Variants in L3MBTL4 observed in about 807,000 individuals in gnomAD.
The protein encoded by L3MBTL4 is L3MBTL histone methyl-lysine binding protein 4, also known as lethal(3)malignant brain tumor-like protein 4.
L3MBTL4 carries 70 observed loss-of-function variants against 84.5 expected under a neutral mutation model. The observed-to-expected ratio is 0.83, with a 90% CI of 0.68 to 1.01. The LOEUF is 1.01. Ranked by LOEUF, L3MBTL4 falls within the 50% of genes least tolerant of loss-of-function variation. The probability of loss-of-function intolerance (pLI) is 0.00; values close to 1 mark genes in which losing one functional copy is unlikely to be tolerated. For missense variants in L3MBTL4, 715 were observed against 754.8 expected (o/e 0.95, Z 0.62); for synonymous variants, 274 against 259.8 (o/e 1.05, Z -0.52).
At chr18:6,065,970 G>C (rs1164367970) in intron 16 of L3MBTL4, among the ~76,000 whole-genome samples, 1 of 151,958 alleles carries the variant, frequency 6.6e-6, no homozygotes, top group Non-Finnish European at 1.5e-5. Flanking sequence ...TGCTGTTTCA[G>C]ACTTTTTGAT....
intron 16 of L3MBTL4, among the ~76,000 whole-genome samples, chr18:6,055,164 T>C (rs2056977461): frequency 6.6e-6 from 1 of 152,226 alleles, no homozygotes; most frequent in African/African-American, 2.4e-5. Context: ...ACCATTTTAG[T>C]CATCCCAACT....
rs138590724 is a variant in L3MBTL4 at position 5,962,999 on chromosome 18, G to A, written c.1615-2843C>T. ...CCCAGATATTGCCAAATGCCCCTGGGGGGCAACATTGCCCCAGTTCTTCTG... is the reference window on the plus strand; with the variant it reads ...CCCAGATATTGCCAAATGCCCCTGGAGGGCAACATTGCCCCAGTTCTTCTG... On this transcript the variant is annotated intron_variant, in intron 17 of 18. Transcript: ENST00000317931. 7.8e-3 allele frequency among the ~76,000 whole-genome samples: 1,183 copies of A among 152,296 alleles called. 8 individuals are homozygous for A. The highest frequency in any genetic ancestry group is 0.013 in the Admixed American group (203 of 15,300).
At chr18:6,244,224 T>C (rs968260983) in intron 6 of L3MBTL4, among the ~76,000 whole-genome samples, 6 of 152,174 alleles carry the variant, frequency 3.9e-5, no homozygotes, top group Non-Finnish European at 5.9e-5. Flanking sequence ...GATTCACAGA[T>C]TGTTAGCAAC....
chr18:5,964,640 C>T (rs909726646), intron 17 of L3MBTL4, among the ~76,000 whole-genome samples: 1 of 152,024 alleles, frequency 6.6e-6, no homozygotes, highest in African/African-American at 2.4e-5. Flanking sequence ...AGTTAATGAA[C>T]ATTTAGGGAG....
chr18:6,146,534 G>A (rs1363509958), intron 13 of L3MBTL4, among the ~76,000 whole-genome samples: 1 of 152,254 alleles, frequency 6.6e-6, no homozygotes, highest in Non-Finnish European at 1.5e-5. Context: ...AAAGTGCCAG[G>A]CTGCCAGGCC....
chr18:6,096,120 A>G (rs2058636547), intron 14 of L3MBTL4, among the ~76,000 whole-genome samples: 1 of 151,826 alleles, frequency 6.6e-6, no homozygotes. Context: ...TTCATGCTAC[A>G]TGGCACTAAT....
chr18:6,203,494 C>A (rs965672259), intron 12 of L3MBTL4, among the ~76,000 whole-genome samples: 2 of 152,162 alleles, frequency 1.3e-5, no homozygotes, highest in Non-Finnish European at 2.9e-5. Context: ...AACCTTATAA[C>A]AGTATTGAGT....
chr18:6,149,798 A>C (rs2088804499), intron 13 of L3MBTL4, among the ~76,000 whole-genome samples: 2 of 152,168 alleles, frequency 1.3e-5, no homozygotes, highest in South Asian at 4.1e-4. Context: ...GGTTTATGTA[A>C]TTGAATTATT....
At chr18:6,361,904 C>T (rs78260057) in intron 1 of L3MBTL4, among the ~76,000 whole-genome samples, 3,064 of 152,018 alleles carry the variant, frequency 0.02, 95 homozygotes, top group African/African-American at 0.069. Context: ...CCGCTTGACT[C>T]CAAGAGTTTG....
At chr18:6,209,445 C>CAAAAAAAAAAAAAAAAAAAAAAAAA (rs60613997) in intron 12 of L3MBTL4, among the ~76,000 whole-genome samples, 1 of 113,994 alleles carries the variant, frequency 8.8e-6, no homozygotes, top group African/African-American at 3.1e-5. Flanking sequence ...ACTAAACTGG[C>CAAAAAAAAAAAAAAAAAAAAAAAAA]AAAAAAAAAA....
intron 1 of L3MBTL4, among the ~76,000 whole-genome samples, chr18:6,377,477 C>T (rs1307839188): frequency 6.6e-6 from 1 of 152,142 alleles, no homozygotes; most frequent in Non-Finnish European, 1.5e-5. Flanking sequence ...CCCCTAGCCT[C>T]CCAACCCTCA....
chr18:6,122,376 A>C (rs966279718), intron 14 of L3MBTL4, among the ~76,000 whole-genome samples: 1 of 152,180 alleles, frequency 6.6e-6, no homozygotes, highest in Non-Finnish European at 1.5e-5. Context: ...CCCAAATCTC[A>C]TCTTGAATTC....
intron 16 of L3MBTL4, among the ~76,000 whole-genome samples, chr18:5,995,861 A>T (rs1319038430): frequency 2.0e-5 from 3 of 152,180 alleles, no homozygotes; most frequent in African/African-American, 7.2e-5. Flanking sequence ...AGCTGGGTCC[A>T]TTGATCCCCG....
intron 16 of L3MBTL4, chr18:6,030,093 A>T: frequency 1.0e-6 from 1 of 977,622 alleles, no homozygotes; most frequent in Non-Finnish European, 1.2e-6. Context: ...ACACGAGGAA[A>T]CTGTTTAACA....
rs936030281 is a variant in L3MBTL4, at chr18:6,187,441, A to G, written c.982-15499T>C. On this transcript the variant is annotated intron_variant, in intron 12 of 18. Coordinates refer to ENST00000317931, the MANE Select transcript of L3MBTL4 (RefSeq NM_001330559.2). ...ATAAAATCTATGTTTCTATTTACATACTGATTATATTCACCTCCTATGAAG... is the reference window on the plus strand; with the variant it reads ...ATAAAATCTATGTTTCTATTTACATGCTGATTATATTCACCTCCTATGAAG... 5.3e-5 allele frequency among the ~76,000 whole-genome samples: 8 copies of G among 152,192 alleles called. No individual in the cohort carries two copies. In the South Asian group the frequency reaches 8.3e-4, roughly 16 times the overall value.
At chr18:6,091,541 G>A (rs1281425858) in intron 15 of L3MBTL4, among the ~76,000 whole-genome samples, 2 of 152,108 alleles carry the variant, frequency 1.3e-5, no homozygotes, top group East Asian at 1.9e-4. Context: ...TAACATTCTC[G>A]ACTCCTTCTA....
intron 10 of L3MBTL4, among the ~76,000 whole-genome samples, chr18:6,216,838 T>C (rs117933261): frequency 0.016 from 2,375 of 152,306 alleles, 21 homozygotes; most frequent in Non-Finnish European, 0.025. Flanking sequence ...GTAACACTAA[T>C]ATCTAGTTTA....
intron 4 of L3MBTL4, among the ~76,000 whole-genome samples, chr18:6,300,683 G>A (rs182461841): frequency 8.1e-4 from 123 of 152,088 alleles, no homozygotes; most frequent in Admixed American, 1.2e-3. Flanking sequence ...TAAATGTTTC[G>A]ACCACAGAAT....
At chr18:6,217,312 C>G (rs1237279936) in intron 10 of L3MBTL4, among the ~76,000 whole-genome samples, 1 of 152,176 alleles carries the variant, frequency 6.6e-6, no homozygotes, top group African/African-American at 2.4e-5. Flanking sequence ...AGAGAAATCC[C>G]TACCCTCGCT....
Sources: gnomAD v4.1 joint callset for allele counts (sites outside exome capture counted in the v4.1 genomes callset) on GRCh38, gnomAD v4.1.1 for gene constraint, MANE v1.5 for transcripts, NCBI Gene and HGNC (gene_info 2026-07-23, HGNC 2026-07-21) for gene names.